ACTR3C: variants seen among roughly 807,000 people sequenced by gnomAD.
ACTR3C encodes the protein actin-related protein 3C.
ACTR3C carries 18 observed loss-of-function variants against 26.3 expected under a neutral mutation model. The ratio of observed to expected loss-of-function variants is 0.68; its 90% CI spans 0.47 to 1.01. ACTR3C has a LOEUF of 1.01. ACTR3C is among the 50% of genes least tolerant of loss of function. ACTR3C has a pLI of 0.00. For missense variants in ACTR3C, 184 were observed against 250.7 expected, an observed-to-expected ratio of 0.73 and a Z score of 1.80; for synonymous variants, 55 against 94.5, an observed-to-expected ratio of 0.58 and a Z score of 2.42.
At chr7:150,294,285 C>T (rs968488542) in intron 2 of ACTR3C, among the ~76,000 whole-genome samples, 5 of 152,218 alleles carry the variant, frequency 3.3e-5, no homozygotes, top group South Asian at 2.1e-4. Flanking sequence ...GATGCCGCTA[C>T]GCTCCCCGCA....
rs563372046 is a variant in ACTR3C at position 150,263,985 on chromosome 7, A to G, written c.565-14931T>C. ...CTATGCTGAGCTCTCAGCGGGGGCTAAGGCAGGCAGGGCCCTGGCCGATGG... is the reference window on the plus strand; with the variant it reads ...CTATGCTGAGCTCTCAGCGGGGGCTGAGGCAGGCAGGGCCCTGGCCGATGG... On this transcript the variant is annotated intron_variant, in intron 6 of 7. Coordinates refer to ENST00000683684, the MANE Select transcript of ACTR3C (RefSeq NM_001164458.2). Among the ~76,000 whole-genome samples the G allele has an allele frequency of 1.1e-4, 16 of 152,370 alleles. No individual in the cohort carries two copies. In the South Asian group the frequency reaches 1.2e-3, roughly 12 times the overall value.
At chr7:150,190,370 C>A in the ACTR3C span, among the ~76,000 whole-genome samples, 1 of 149,576 alleles carries the variant, frequency 6.7e-6, no homozygotes, top group Non-Finnish European at 1.5e-5. Context: ...ATTCTTTCAA[C>A]AATTTTAAAA....
chr7:149,955,993 C>T, the ACTR3C span, among the ~76,000 whole-genome samples: 11,630 of 152,034 alleles, frequency 0.076, 1,324 homozygotes, highest in African/African-American at 0.25. Flanking sequence ...ATTTGATATA[C>T]GGAAACCTGA....
At chr7:150,211,659 T>C in the ACTR3C span, among the ~76,000 whole-genome samples, 5 of 150,082 alleles carry the variant, frequency 3.3e-5, no homozygotes, top group Admixed American at 6.6e-5. Flanking sequence ...GTCCTCAGCT[T>C]TCACACAGGT....
At chr7:150,179,437 A>C in the ACTR3C span, among the ~76,000 whole-genome samples, 1 of 141,340 alleles carries the variant, frequency 7.1e-6, no homozygotes, top group Non-Finnish European at 1.5e-5. Context: ...AAAAAGAAAG[A>C]AATTGTAAAT....
chr7:150,050,062 G>C, the ACTR3C span, among the ~76,000 whole-genome samples: 1 of 151,940 alleles, frequency 6.6e-6, no homozygotes, highest in Non-Finnish European at 1.5e-5. Flanking sequence ...AGAAAACCTT[G>C]CTCTCAACCC....
At chr7:150,227,688 G>GTTTTTT in the ACTR3C span, among the ~76,000 whole-genome samples, 32 of 111,352 alleles carry the variant, frequency 2.9e-4, 1 homozygote, top group East Asian at 1.1e-3. Context: ...TTGTGTCTGG[G>GTTTTTT]TTTTTTTTTT....
At chr7:150,177,174 AAGTT>A in the ACTR3C span, among the ~76,000 whole-genome samples, 75 of 150,844 alleles carry the variant, frequency 5.0e-4, 3 homozygotes, top group African/African-American at 1.6e-3. Flanking sequence ...AAATTTATAA[AAGTT>A]AGTTACTGAA....
At chr7:150,216,262 T>C in the ACTR3C span, among the ~76,000 whole-genome samples, 18 of 152,240 alleles carry the variant, frequency 1.2e-4, no homozygotes, top group Admixed American at 5.2e-4. Flanking sequence ...ATGTGAAGCT[T>C]TGTCATGTAA....
At chr7:150,175,820 A>C in the ACTR3C span, among the ~76,000 whole-genome samples, 1 of 148,718 alleles carries the variant, frequency 6.7e-6, no homozygotes, top group Non-Finnish European at 1.5e-5. Flanking sequence ...CTGAACAAAA[A>C]AAAAAAAAAA....
At chr7:149,911,100 G>A in the ACTR3C span, among the ~76,000 whole-genome samples, 4 of 152,004 alleles carry the variant, frequency 2.6e-5, no homozygotes, top group East Asian at 5.8e-4. Flanking sequence ...AGAATTCAGA[G>A]CCAACCAAGA....
the ACTR3C span, among the ~76,000 whole-genome samples, chr7:150,030,647 C>A: frequency 3.3e-5 from 5 of 152,164 alleles, no homozygotes; most frequent in African/African-American, 9.7e-5. Context: ...AGGAAGGTGA[C>A]CTTGCCCTTC....
the ACTR3C span, among the ~76,000 whole-genome samples, chr7:149,925,579 A>T: frequency 1.3e-5 from 2 of 152,230 alleles, no homozygotes; most frequent in African/African-American, 4.8e-5. Flanking sequence ...CAAATGCAGC[A>T]TATGATAAAG....
the ACTR3C span, among the ~76,000 whole-genome samples, chr7:150,179,541 G>A: frequency 4.8e-5 from 7 of 147,270 alleles, no homozygotes. Context: ...GGTTCTCACC[G>A]AGACTGAAGT....
At chr7:150,019,331 T>TG in the ACTR3C span, among the ~76,000 whole-genome samples, 5 of 150,078 alleles carry the variant, frequency 3.3e-5, no homozygotes, top group African/African-American at 1.3e-4. Flanking sequence ...CAGTAGCTCA[T>TG]GCCTGTAATC....
the ACTR3C span, among the ~76,000 whole-genome samples, chr7:150,125,924 A>G: frequency 4.6e-5 from 7 of 152,150 alleles, no homozygotes; most frequent in South Asian, 2.1e-4. Flanking sequence ...TGACAACTTA[A>G]TTGAGTCCTG....
chr7:150,133,628 C>T, the ACTR3C span, among the ~76,000 whole-genome samples: 1 of 152,278 alleles, frequency 6.6e-6, no homozygotes, highest in African/African-American at 2.4e-5. Flanking sequence ...TGGGCAGTGT[C>T]ATGCAGGCAG....
the ACTR3C span, among the ~76,000 whole-genome samples, chr7:149,903,903 GGTTGTTGTT>G: frequency 2.0e-4 from 10 of 49,576 alleles, no homozygotes; most frequent in African/African-American, 5.3e-4. Context: ...TGTTGTTGCT[GGTTGTTGTT>G]GTTGTTGTTG....
At chr7:149,891,903 A>T in the ACTR3C span, among the ~76,000 whole-genome samples, 4 of 1,948 alleles carry the variant, frequency 2.1e-3, 1 homozygote, top group Non-Finnish European at 0.03. Flanking sequence ...TGGAGCTTTA[A>T]AAAAAAAAAA....
Sources: gnomAD v4.1 joint callset for allele counts (sites outside exome capture counted in the v4.1 genomes callset) on GRCh38, gnomAD v4.1.1 for gene constraint, MANE v1.5 for transcripts, NCBI Gene and HGNC (gene_info 2026-07-23, HGNC 2026-07-21) for gene names.